The following ARL13A variants were observed in gnomAD, a reference collection of about 807,000 sequenced individuals.
ARL13A encodes ADP-ribosylation factor-like protein 13A.
Under a neutral mutation model 19.1 loss-of-function variants are expected in ARL13A, and 16 were observed. The ratio of observed to expected loss-of-function variants is 0.84; its 90% CI spans 0.57 to 1.27. The LOEUF is 1.27. Among genes scored for constraint, ARL13A ranks in the 50% most tolerant of loss-of-function variants. ARL13A has a pLI of 0.00. For synonymous variants in ARL13A, 69 were observed against 71.3 expected, an observed-to-expected ratio of 0.97 and a Z score of 0.17; for missense variants, 153 against 186.4, an observed-to-expected ratio of 0.82 and a Z score of 1.04.
At chrX:100,974,486 T>C (rs2085731174) in intron 3 of ARL13A, among the ~76,000 whole-genome samples, 1 of 110,420 alleles carries the variant, frequency 9.1e-6, no homozygotes, top group South Asian at 4.0e-4. Context: ...AGTCCTTTCA[T>C]AGGGTCAGTA....
chrX:100,975,964 C>G (rs2085756178), intron 3 of ARL13A, among the ~76,000 whole-genome samples: 1 of 111,504 alleles, frequency 9.0e-6, no homozygotes, highest in African/African-American at 3.3e-5. Flanking sequence ...ACAACTTCCT[C>G]TGTCCCATTA....
intron 5 of ARL13A, 42 bp downstream of exon 5, chrX:100,986,943 GCTGATGC>G: frequency 1.0e-6 from 1 of 957,205 alleles, no homozygotes; most frequent in South Asian, 2.3e-5. Context: ...CTGGAGCCCA[GCTGATGC>G]AGCCCTTGGC....
At position 100,990,730 on chromosome X, in the gene ARL13A, G is replaced by C. The variant is rs1218452033; in HGVS notation, c.*142G>C. ...GTCATGGGTGATCAACCAAAACTGA[G>C]CCTTAGAAATACAGGGTTCATTTAG... On this transcript the variant is annotated 3_prime_UTR_variant, in exon 8 of 8. Coordinates refer to ENST00000450049, the MANE Select transcript of ARL13A (RefSeq NM_001162491.2). 3.6e-6 allele frequency: 2 copies of C among 556,827 alleles called. No homozygotes were observed. Among genetic ancestry groups the C allele is most frequent in the Non-Finnish European group, 5.6e-6 (2 of 356,370 alleles). 45.9% of individuals were successfully genotyped at this position (556,827 alleles called of 1,213,427 possible). A position where few individuals can be genotyped will look rare whatever the true frequency, so the allele number is the denominator to read the frequency against.
intron 1 of ARL13A, among the ~76,000 whole-genome samples, chrX:100,971,012 T>C (rs1026001360): frequency 1.8e-5 from 2 of 111,790 alleles, no homozygotes; most frequent in African/African-American, 6.5e-5. Flanking sequence ...CAAAAACTTA[T>C]ATACAAATGT....
At chrX:100,973,983 C>A in intron 2 of ARL13A, 144 bp from the exon 3 acceptor site, 1 of 557,622 alleles carries the variant, frequency 1.8e-6, no homozygotes, top group Non-Finnish European at 2.9e-6. Flanking sequence ...CCACCTTCTA[C>A]TGCTTTGGCT....
At position 100,986,785 on chromosome X, in the gene ARL13A, TG is replaced by T. The variant is rs1330345588; in HGVS notation, c.381-10del. On this transcript the variant is annotated splice_polypyrimidine_tract_variant and intron_variant, in intron 4 of 7. Transcript: ENST00000450049. ...CCACTCTTTTCCTCCCTCTCTCATA[TG>T]CTGTTTTAGTTTAGCAAACAAACAA... The T allele has an allele frequency of 8.7e-7, 1 of 1,155,517 alleles. No individual in the cohort carries two copies. Among genetic ancestry groups the T allele is most frequent in the Admixed American group, 2.3e-5 (1 of 43,514 alleles).
chrX:100,984,216 C>T (rs1299755692), intron 3 of ARL13A, among the ~76,000 whole-genome samples: 1 of 109,532 alleles, frequency 9.1e-6, no homozygotes, highest in African/African-American at 3.3e-5. Context: ...AGGGCTCAAG[C>T]GATTCTCCTG....
chrX:100,988,605 C>T, intron 7 of ARL13A: 4 of 881,042 alleles, frequency 4.5e-6, no homozygotes, highest in African/African-American at 2.1e-5. Context: ...ATAGGCCTTC[C>T]CTAACAATTT....
intron 1 of ARL13A, among the ~76,000 whole-genome samples, chrX:100,970,822 C>T (rs1187237307): frequency 2.7e-5 from 3 of 111,347 alleles, no homozygotes; most frequent in Non-Finnish European, 3.8e-5. Context: ...AAATACCTAC[C>T]TCACACCCAC....
chrX:100,986,895 C>A lies in ARL13A; in HGVS notation c.480C>A (p.Cys160Ter), dbSNP rs746655740. 3.4e-6 allele frequency: 4 copies of A among 1,171,554 alleles called. No homozygotes were observed. Among genetic ancestry groups the A allele is most frequent in the Non-Finnish European group, 3.5e-6 (3 of 865,168 alleles). Residue 160 changes from cysteine (C) to a stop codon, truncating the protein, a stop_gained, in exon 5 of 8, where the codon TGC becomes TGA. Transcript: ENST00000450049. LOFTEE classifies it high-confidence loss of function. ...KKLVKENKCP[C>*]RVEPCSAIRN... ...TAGTGAAAGAGAATAAGTGCCCATG[C>A]CGAGTAGTAAGTGTCAACCTCTTCC...
chrX:100,975,143 G>A (rs1431556849), intron 3 of ARL13A, among the ~76,000 whole-genome samples: 1 of 111,753 alleles, frequency 8.9e-6, no homozygotes, highest in Non-Finnish European at 1.9e-5. Flanking sequence ...AAGTTTCTTA[G>A]CAGCACACAA....
At chrX:100,974,676 A>T (rs2085733774) in intron 3 of ARL13A, among the ~76,000 whole-genome samples, 1 of 111,602 alleles carries the variant, frequency 9.0e-6, no homozygotes, top group Admixed American at 9.6e-5. Context: ...AGAGAGTTGG[A>T]GCTTGAGAAA....
intron 3 of ARL13A, among the ~76,000 whole-genome samples, chrX:100,981,865 T>C (rs985112341): frequency 1.0e-4 from 11 of 106,784 alleles, no homozygotes; most frequent in African/African-American, 3.8e-4. Context: ...TCACCTAATT[T>C]TTGGTTCTTA....
At chrX:100,982,320 C>T (rs2085869756) in intron 3 of ARL13A, among the ~76,000 whole-genome samples, 1 of 110,181 alleles carries the variant, frequency 9.1e-6, no homozygotes, top group Non-Finnish European at 1.9e-5. Context: ...GTGAAACCCC[C>T]GTCTCTACTA....
In ARL13A at chrX:100,986,802, A is replaced by G. The variant is rs762818116; in HGVS notation, c.387A>G (p.Ala129=). The G allele has an allele frequency of 1.9e-5, 23 of 1,190,824 alleles. No homozygotes were observed. The highest frequency in any genetic ancestry group is 2.6e-5 in the Non-Finnish European group (23 of 883,901). ...RVAGKPILIL[A]NKQDKKKALM... Reference sequence around the variant, plus strand: ...CTCTCATATGCTGTTTTAGTTTAGCAAACAAACAAGACAAGAAGAAAGCCC... The same window carrying G: ...CTCTCATATGCTGTTTTAGTTTAGCGAACAAACAAGACAAGAAGAAAGCCC... Residue 129 remains alanine, a synonymous_variant, in exon 5 of 8, where the codon GCA becomes GCG. Transcript: ENST00000450049.
rs780300271 is a variant in ARL13A, at chrX:100,990,218, T to C, written c.745-344T>C. The C allele has an allele frequency of 7.6e-5, 30 of 394,425 alleles. No individual in the cohort carries two copies. The East Asian group carries it at 4.8e-3, about 64-fold the overall frequency. The allele number at this position is 394,425 out of a possible 1,213,427, so 32.5% of individuals were successfully genotyped here. ...TGGGCACCTCATGGGGTGCAGTCTA[T>C]ACCCTGTTGGAAACTGGCCAATACC... On this transcript the variant is annotated intron_variant, in intron 7 of 7. Transcript: ENST00000450049.
chrX:100,990,505 C>G, intron 7 of ARL13A, 57 bp from the exon 8 acceptor site: 1 of 1,069,279 alleles, frequency 9.4e-7, no homozygotes, highest in Non-Finnish European at 1.2e-6. Flanking sequence ...ACAACTCCAC[C>G]TACTCTAATA....
At chrX:100,989,371 G>A (rs1201798066) in intron 7 of ARL13A, among the ~76,000 whole-genome samples, 1 of 110,610 alleles carries the variant, frequency 9.0e-6, no homozygotes, top group East Asian at 2.8e-4. Flanking sequence ...CAGCACTTTG[G>A]GAGGCTGAGG....
intron 7 of ARL13A, among the ~76,000 whole-genome samples, chrX:100,989,386 C>T (rs1001361451): frequency 6.4e-5 from 7 of 109,908 alleles, no homozygotes; most frequent in Admixed American, 9.7e-5. Flanking sequence ...CTGAGGCGGG[C>T]GGATCATGAG....
Sources: allele counts gnomAD v4.1 joint callset (sites outside exome capture counted in the v4.1 genomes callset), GRCh38; gene constraint gnomAD v4.1.1; transcripts MANE v1.5; gene names NCBI Gene and HGNC (gene_info 2026-07-23, HGNC 2026-07-21).